The following CAMKV variants were observed in gnomAD, a reference collection of about 807,000 sequenced individuals.
The protein encoded by CAMKV is caM kinase-like vesicle-associated protein.
In CAMKV, 5 loss-of-function variants were observed where a neutral mutation model predicts 50.2. The observed-to-expected ratio is 0.10, with a 90% CI of 0.05 to 0.21. The LOEUF is 0.21. Among genes scored for constraint, CAMKV ranks in the 10% least tolerant of loss-of-function variants. The pLI, the probability that CAMKV is intolerant of heterozygous loss-of-function variation, is 1.00. For missense variants in CAMKV, 361 were observed against 650.5 expected (o/e 0.55, Z 4.84); for synonymous variants, 229 against 250.1 (o/e 0.92, Z 0.80).
At position 49,859,783 on chromosome 3, in the gene CAMKV, G is replaced by A; in HGVS notation, c.1041C>T (p.Thr347=). Residue 347 remains threonine, a synonymous_variant, in exon 11 of 11, where the codon ACC becomes ACT. Transcript: ENST00000477224. The surrounding 1 kb of genome is among the most constrained non-coding windows in gnomAD (Gnocchi z 5.5). ...AQSASATDTA[T]PGAAGGATAA... ...CTGTGGCCCCACCTGCAGCCCCGGG[G>A]GTGGCAGTGTCTGTGGCTGAGGCCG... is the stretch of plus-strand genomic sequence containing the variant. The A allele has an allele frequency of 4.5e-6, 7 of 1,556,254 alleles. No individual in the cohort carries two copies. Among genetic ancestry groups the A allele is most frequent in the South Asian group, 1.2e-5 (1 of 81,820 alleles).
chr3:49,860,320 G>T lies in CAMKV; in HGVS notation c.855-62C>A. On this transcript the variant is annotated intron_variant, in intron 9 of 10. Transcript: ENST00000477224. This position sits in a 1 kb window ranked among gnomAD's most constrained non-coding sequence, Gnocchi z 6.1. ...TGAGCCTTTGTGGAGACTCTGCTCA[G>T]CCCTTCTATGTGGCATCCAGGGACT... 1.3e-6 allele frequency: 2 copies of T among 1,563,344 alleles called. No homozygotes were observed. Among genetic ancestry groups the T allele is most frequent in the Non-Finnish European group, 1.8e-6 (2 of 1,134,324 alleles).
chr3:49,869,093 C>T lies in CAMKV; in HGVS notation c.-15+665G>A, dbSNP rs967002303. On this transcript the variant is annotated intron_variant, in intron 1 of 10. Transcript: ENST00000477224. This position sits in a 1 kb window ranked among gnomAD's most constrained non-coding sequence, Gnocchi z 5.2. ...ACCCCTTTCCCAAGTGCTGCTGGCT[C>T]GCCCCCGCTGGCACAGCAACACACA... Among the ~76,000 whole-genome samples, 4 of 152,356 alleles carry T rather than the reference C, an allele frequency of 2.6e-5. No homozygotes were observed. The highest frequency in any genetic ancestry group is 1.3e-4 in the Admixed American group (2 of 15,304).
chr3:49,861,409 C>A lies in CAMKV; in HGVS notation c.441+30G>T. On this transcript the variant is annotated intron_variant, in intron 5 of 10. Transcript: ENST00000477224. The surrounding 1 kb of genome is among the most constrained non-coding windows in gnomAD (Gnocchi z 7.7). ...ACCCCAGCACCAGCCCAGCTGCCAA[C>A]TGGCCCTTTGACTCTGGCTCTGCCC... 2 of 1,613,786 alleles carry A rather than the reference C, an allele frequency of 1.2e-6. No individual in the cohort carries two copies. The highest frequency in any genetic ancestry group is 1.7e-6 in the Non-Finnish European group (2 of 1,179,816).
rs774049687 is a variant in CAMKV, at chr3:49,862,099, C to T, written c.173G>A (p.Arg58Gln). The T allele has an allele frequency of 2.0e-5, 32 of 1,614,092 alleles. No individual in the cohort carries two copies. Among genetic ancestry groups the T allele is most frequent in the Non-Finnish European group, 2.5e-5 (30 of 1,180,040 alleles). Residue 58 changes from arginine to glutamine, a missense_variant, in exon 3 of 11, where the codon CGG becomes CAG. Around this residue, in one of 4 missense-constraint regions of CAMKV, gnomAD observed 172 missense variants for 414.3 expected, o/e 0.42. Transcript: ENST00000477224. The surrounding 1 kb of genome is among the most constrained non-coding windows in gnomAD (Gnocchi z 5.2). ...AGCTTTCCGCACCTTGCGGCCGTCC[C>T]GCTTCTGGAACTTCTTGCAGGTGTG... ...KLHTCKKFQK[R>Q]DGRKVRKAAK...
Position 49,861,164 on chromosome 3 carries a change from C to T in CAMKV, c.562+16G>A, listed in dbSNP as rs1221932926. The T allele has an allele frequency of 1.9e-6, 3 of 1,607,922 alleles. No homozygotes were observed. Among genetic ancestry groups the T allele is most frequent in the Non-Finnish European group, 2.5e-6 (3 of 1,177,484 alleles). ...CCCCCCATTATCCCCCTGCCCCTGC[C>T]CCACCCCCTGCTTGCCCAGATACTC... On this transcript the variant is annotated intron_variant, in intron 6 of 10. Coordinates refer to ENST00000477224, the MANE Select transcript of CAMKV (RefSeq NM_024046.5). This position sits in a 1 kb window ranked among gnomAD's most constrained non-coding sequence, Gnocchi z 7.7.
rs2082025455 is a variant in CAMKV, at chr3:49,861,957, C to T, written c.227+88G>A. On this transcript the variant is annotated intron_variant, in intron 3 of 10. Transcript: ENST00000477224. This position sits in a 1 kb window ranked among gnomAD's most constrained non-coding sequence, Gnocchi z 7.7. ...CAGTGGCCACAGCAGACTAATTGGC[C>T]AGAGGCTGGGACTGCCTGAGGCCAC... is the stretch of plus-strand genomic sequence containing the variant. The T allele has an allele frequency of 6.2e-7, 1 of 1,608,408 alleles. No individual in the cohort carries two copies. The highest frequency in any genetic ancestry group is 1.1e-5 in the South Asian group (1 of 90,308).
chr3:49,866,102 C>CCTG (rs2082063545), intron 1 of CAMKV, among the ~76,000 whole-genome samples: 1 of 150,582 alleles, frequency 6.6e-6, no homozygotes, highest in African/African-American at 2.5e-5. Flanking sequence ...GCCAGTCACT[C>CCTG]CTCCTCCTCC....
At position 49,859,245 on chromosome 3, in the gene CAMKV, T is replaced by G. The variant is rs1224325764; in HGVS notation, c.*73A>C. The G allele has an allele frequency of 6.0e-6, 8 of 1,327,302 alleles. No individual in the cohort carries two copies. The highest frequency in any genetic ancestry group is 8.2e-6 in the Non-Finnish European group (8 of 975,908). The allele number at this position is 1,327,302 out of a possible 1,614,324, so 82.2% of individuals were successfully genotyped here. On this transcript the variant is annotated 3_prime_UTR_variant, in exon 11 of 11. Coordinates refer to ENST00000477224, the MANE Select transcript of CAMKV (RefSeq NM_024046.5). This position sits in a 1 kb window ranked among gnomAD's most constrained non-coding sequence, Gnocchi z 5.5. ...AGGGCATCATGCCAGTGACTCTATG[T>G]ACAGTGAGAAGCCCCTCATCCACTC...
chr3:49,863,102 C>T (rs2082036893), intron 1 of CAMKV, among the ~76,000 whole-genome samples: 1 of 152,216 alleles, frequency 6.6e-6, no homozygotes, highest in Non-Finnish European at 1.5e-5. Context: ...TATACCCAAC[C>T]ACCTGGTGAC....
chr3:49,859,821 C>G lies in CAMKV; in HGVS notation c.1003G>C (p.Ala335Pro). The G allele has an allele frequency of 6.5e-7, 1 of 1,533,318 alleles. No individual in the cohort carries two copies. The highest frequency in any genetic ancestry group is 8.7e-7 in the Non-Finnish European group (1 of 1,145,596). 95.0% of individuals were successfully genotyped at this position (1,533,318 alleles called of 1,614,324 possible). The change falls in exon 11 of 11, where the codon GCT (alanine) becomes CCT (proline). Residue 335 changes from alanine (A) to proline (P), a missense_variant. Transcript: ENST00000477224. This position sits in a 1 kb window ranked among gnomAD's most constrained non-coding sequence, Gnocchi z 5.5. The stretch of plus-strand genomic sequence containing the variant: ...GTGGCTGAGGCCGACTGGGCTGCAG[C>G]CGTGCTGGACTGCTCTGGTGCCCGG... ...RLRAPEQSSTAAAQSASATDT... is the reference protein window; with the variant it reads ...RLRAPEQSSTPAAQSASATDT...
Position 49,860,377 on chromosome 3 carries a change from C to T in CAMKV, c.854+94G>A. ...CAGAGCCTCTGGGCTGCCCTGAGCT[C>T]TAGGTACCTGCACCCCTTCCAGGCC... On this transcript the variant is annotated intron_variant, in intron 9 of 10. Coordinates refer to ENST00000477224, the MANE Select transcript of CAMKV (RefSeq NM_024046.5). This position sits in a 1 kb window ranked among gnomAD's most constrained non-coding sequence, Gnocchi z 6.1. 6.5e-7 allele frequency: 1 copy of T among 1,543,294 alleles called. No individual in the cohort carries two copies. Among genetic ancestry groups the T allele is most frequent in the Non-Finnish European group, 8.9e-7 (1 of 1,120,302 alleles).
rs1371651589 is a variant in CAMKV, at chr3:49,860,440, C to T, written c.854+31G>A. Reference sequence around the variant, plus strand: ...CTGCTGGGTGTGAGGGGGACCCTGGCCTCTCCCACCCTCCCCTGGACCCTG... The same window carrying T: ...CTGCTGGGTGTGAGGGGGACCCTGGTCTCTCCCACCCTCCCCTGGACCCTG... On this transcript the variant is annotated intron_variant, in intron 9 of 10. Transcript: ENST00000477224. This position sits in a 1 kb window ranked among gnomAD's most constrained non-coding sequence, Gnocchi z 6.1. 6.2e-7 allele frequency: 1 copy of T among 1,606,790 alleles called. No individual in the cohort carries two copies. The highest frequency in any genetic ancestry group is 8.5e-7 in the Non-Finnish European group (1 of 1,175,260).
Position 49,860,032 on chromosome 3 carries a change from G to T in CAMKV, c.942+139C>A. ...CAGCTGCTCAGCACTCCTACTTAAGGTAATCACAGTGGCTACACCCACACC... is the reference window on the plus strand; with the variant it reads ...CAGCTGCTCAGCACTCCTACTTAAGTTAATCACAGTGGCTACACCCACACC... On this transcript the variant is annotated intron_variant, in intron 10 of 10. Transcript: ENST00000477224. This position sits in a 1 kb window ranked among gnomAD's most constrained non-coding sequence, Gnocchi z 6.1. The T allele has an allele frequency of 9.5e-7, 1 of 1,049,542 alleles. No individual in the cohort carries two copies. The highest frequency in any genetic ancestry group is 1.5e-5 in the South Asian group (1 of 67,636). 65.0% of individuals were successfully genotyped at this position (1,049,542 alleles called of 1,614,324 possible). A position where few individuals can be genotyped will look rare whatever the true frequency, so the allele number is the denominator to read the frequency against.
Position 49,869,379 on chromosome 3 carries a change from G to C in CAMKV, c.-15+379C>G, listed in dbSNP as rs2082089178. 6.6e-6 allele frequency among the ~76,000 whole-genome samples: 1 copy of C among 152,184 alleles called. No individual in the cohort carries two copies. Among genetic ancestry groups the C allele is most frequent in the South Asian group, 2.1e-4 (1 of 4,836 alleles). ...TCCGTTGTCATGGAAATTAGTGACT[G>C]CTAAGCGGGAGGGAAGGGGCCCGGG... On this transcript the variant is annotated intron_variant, in intron 1 of 10. Coordinates refer to ENST00000477224, the MANE Select transcript of CAMKV (RefSeq NM_024046.5). This position sits in a 1 kb window ranked among gnomAD's most constrained non-coding sequence, Gnocchi z 5.2.
rs549068466 is a variant in CAMKV, at chr3:49,859,488, T to G, written c.1336A>C (p.Thr446Pro). 1 of 1,613,888 alleles carries G rather than the reference T, an allele frequency of 6.2e-7. No individual in the cohort carries two copies. Among genetic ancestry groups the G allele is most frequent in the East Asian group, 2.2e-5 (1 of 44,856 alleles). ...GTGGCCAGCATGGCACTGCTTTGGG[T>G]GGTGGGCACAGTGCTCTCTTCTGTG... ...PATEESTVPT[T>P]QSSAMLATKA... Residue 446 changes from threonine to proline, a missense_variant, in exon 11 of 11, where the codon ACC becomes CCC. Physicochemically the swap from Thr to Pro is conservative, Grantham distance 38 (BLOSUM62 -1). Coordinates refer to ENST00000477224, the MANE Select transcript of CAMKV (RefSeq NM_024046.5). This position sits in a 1 kb window ranked among gnomAD's most constrained non-coding sequence, Gnocchi z 5.5.
In CAMKV at chr3:49,858,377, T is replaced by C. The variant is rs769118266; in HGVS notation, c.*941A>G. On this transcript the variant is annotated 3_prime_UTR_variant, in exon 11 of 11. Transcript: ENST00000477224. ...AACCTCCAAATCAGATTATGAGTTA[T>C]TGCCATGCAGCAAGCCCCCTAGGGT... 5 of 398,524 alleles carry C rather than the reference T, an allele frequency of 1.3e-5. No homozygotes were observed. The highest frequency in any genetic ancestry group is 1.3e-4 in the South Asian group (1 of 7,856). 24.7% of individuals were successfully genotyped at this position (398,524 alleles called of 1,614,324 possible).
rs2082093327 is a variant in CAMKV, at chr3:49,869,745, G to C, written c.-15+13C>G. Reference sequence around the variant, plus strand: ...GCGTTCGGGAAGCGCCCCCAGCCCGGCCCGCCCCGCACCTGCAGCGCCGGT... The same window carrying C: ...GCGTTCGGGAAGCGCCCCCAGCCCGCCCCGCCCCGCACCTGCAGCGCCGGT... On this transcript the variant is annotated intron_variant, in intron 1 of 10. Coordinates refer to ENST00000477224, the MANE Select transcript of CAMKV (RefSeq NM_024046.5). This position sits in a 1 kb window ranked among gnomAD's most constrained non-coding sequence, Gnocchi z 5.2. 6.6e-6 allele frequency: 1 copy of C among 152,170 alleles called. No individual in the cohort carries two copies. 9.4% of individuals were successfully genotyped at this position (152,170 alleles called of 1,614,324 possible).
chr3:49,862,485 C>A lies in CAMKV; in HGVS notation c.-14-83G>T. 1 of 1,212,448 alleles carries A rather than the reference C, an allele frequency of 8.2e-7. No homozygotes were observed. Among genetic ancestry groups the A allele is most frequent in the Non-Finnish European group, 1.2e-6 (1 of 819,612 alleles). 75.1% of individuals were successfully genotyped at this position (1,212,448 alleles called of 1,614,324 possible). A position where few individuals can be genotyped will look rare whatever the true frequency, so the allele number is the denominator to read the frequency against. The stretch of plus-strand genomic sequence containing the variant: ...GGGGCTGCTTTTGGGAGACCCCAAC[C>A]TGGCTCAGGCCAAGCTAGGGGCAGA... On this transcript the variant is annotated intron_variant, in intron 1 of 10. Coordinates refer to ENST00000477224, the MANE Select transcript of CAMKV (RefSeq NM_024046.5). The surrounding 1 kb of genome is among the most constrained non-coding windows in gnomAD (Gnocchi z 5.2).
At position 49,859,172 on chromosome 3, in the gene CAMKV, C is replaced by T. The variant is rs897620206; in HGVS notation, c.*146G>A. ...CACACAGGAGACGAGACTGCTCTCC[C>T]GTGACCCCTAGTTATGCCCCACTGG... On this transcript the variant is annotated 3_prime_UTR_variant, in exon 11 of 11. Transcript: ENST00000477224. This position sits in a 1 kb window ranked among gnomAD's most constrained non-coding sequence, Gnocchi z 5.5. 4 of 726,044 alleles carry T rather than the reference C, an allele frequency of 5.5e-6. No individual in the cohort carries two copies. The highest frequency in any genetic ancestry group is 1.8e-5 in the African/African-American group (1 of 56,696). The allele number at this position is 726,044 out of a possible 1,614,324, so 45.0% of individuals were successfully genotyped here.
Sources: allele counts gnomAD v4.1 joint callset (sites outside exome capture counted in the v4.1 genomes callset), GRCh38; gene constraint gnomAD v4.1.1; regional missense constraint gnomAD v4.1.1; non-coding constraint Gnocchi (gnomAD v3.1); transcripts MANE v1.5; gene names NCBI Gene and HGNC (gene_info 2026-07-23, HGNC 2026-07-21).